Variants in LGSN observed in about 807,000 individuals in gnomAD.
LGSN encodes the protein lengsin.
In LGSN, 21 loss-of-function variants were observed where a neutral mutation model predicts 19.5. The ratio of observed to expected loss-of-function variants is 1.07; its 90% confidence interval spans 0.76 to 1.55. The LOEUF is 1.55. LGSN is among the 40% of genes most tolerant of loss of function. LGSN has a pLI of 0.00. For missense variants in LGSN, 673 were observed against 608.5 expected (o/e 1.11, Z -1.12); for synonymous variants, 257 against 215.6 (o/e 1.19, Z -1.68).
chr6:63,293,853 C>A (rs1231155993), intron 2 of LGSN: 1 of 443,968 alleles, frequency 2.3e-6, no homozygotes, highest in South Asian at 1.6e-5. Context: ...GTTTCTGATC[C>A]TCTCTGTAGT....
chr6:63,571,719 A>T, the LGSN span: 1 of 152,252 alleles, frequency 6.6e-6, no homozygotes, highest in Non-Finnish European at 1.5e-5. Flanking sequence ...CAATTGAGCC[A>T]ACTGCAGTTG....
Position 63,280,466 on chromosome 6 carries a change from G to A in LGSN, c.1085C>T (p.Ser362Phe), listed in dbSNP as rs755451131. 2.1e-5 allele frequency: 34 copies of A among 1,614,038 alleles called. No homozygotes were observed. The highest frequency in any genetic ancestry group is 6.6e-5 in the South Asian group (6 of 91,090). ...SAALSCLMAP[S>F]VSCRKRYSKD... ...GGAATAACGCTTTCGGCAGCTAACA[G>A]AAGGCGCCATCAGGCAGCTGAGCGC... The change falls in exon 4 of 4, where the codon TCT becomes TTT. Residue 362 changes from serine (S) to phenylalanine (F), a missense_variant. Physicochemically the swap from Ser to Phe is radical, Grantham distance 155. Coordinates refer to ENST00000370657, the MANE Select transcript of LGSN (RefSeq NM_016571.3).
the LGSN span, among the ~76,000 whole-genome samples, chr6:63,413,696 T>G: frequency 1.3e-5 from 2 of 152,212 alleles, no homozygotes; most frequent in Non-Finnish European, 2.9e-5. Context: ...TGATTATCCC[T>G]CTTTTTACAA....
chr6:63,505,228 A>T, the LGSN span, among the ~76,000 whole-genome samples: 5 of 150,486 alleles, frequency 3.3e-5, no homozygotes, highest in African/African-American at 1.2e-4. Context: ...TCTATCAAGC[A>T]TTATAAAGTG....
chr6:63,405,701 T>G, the LGSN span, among the ~76,000 whole-genome samples: 1 of 152,168 alleles, frequency 6.6e-6, no homozygotes, highest in African/African-American at 2.4e-5. Context: ...GTAAATGGAC[T>G]AAATGCTCCA....
the LGSN span, among the ~76,000 whole-genome samples, chr6:63,348,347 G>A: frequency 3.0e-3 from 456 of 152,142 alleles, 3 homozygotes; most frequent in African/African-American, 0.01. Flanking sequence ...CCAGCTACTC[G>A]GGAGGCTGAG....
At chr6:63,562,454 C>A in the LGSN span, among the ~76,000 whole-genome samples, 11 of 152,200 alleles carry the variant, frequency 7.2e-5, no homozygotes, top group Non-Finnish European at 1.5e-5. Flanking sequence ...CTGTCTTGGC[C>A]TCCCAAAGTG....
chr6:63,334,189 T>C, the LGSN span, among the ~76,000 whole-genome samples: 1 of 152,188 alleles, frequency 6.6e-6, no homozygotes, highest in African/African-American at 2.4e-5. Flanking sequence ...ATTGTTCGCC[T>C]TTGCAGATGA....
the LGSN span, among the ~76,000 whole-genome samples, chr6:63,569,289 T>C: frequency 6.6e-6 from 1 of 152,220 alleles, no homozygotes; most frequent in Non-Finnish European, 1.5e-5. Context: ...GAAGTCTCAC[T>C]CTGTCTCCCA....
In LGSN at chr6:63,279,728, C is replaced by A; in HGVS notation, c.*293G>T. On this transcript the variant is annotated 3_prime_UTR_variant, in exon 4 of 4. Coordinates refer to ENST00000370657, the MANE Select transcript of LGSN (RefSeq NM_016571.3). ...ATGTGCGAATATATTTATTGCCACC[C>A]AAAATTGGATATTCTTATCCAGGTC... 1 of 195,900 alleles carries A rather than the reference C, an allele frequency of 5.1e-6. No individual in the cohort carries two copies. The highest frequency in any genetic ancestry group is 1.0e-5 in the Non-Finnish European group (1 of 97,862). The allele number at this position is 195,900 out of a possible 1,614,324, so 12.1% of individuals were successfully genotyped here.
the LGSN span, among the ~76,000 whole-genome samples, chr6:63,543,292 C>A: frequency 6.6e-6 from 1 of 152,158 alleles, no homozygotes; most frequent in African/African-American, 2.4e-5. Flanking sequence ...CTAAAATGAA[C>A]CCTCCTCAGG....
At chr6:63,450,381 TA>T in the LGSN span, among the ~76,000 whole-genome samples, 1 of 145,838 alleles carries the variant, frequency 6.9e-6, no homozygotes. Context: ...AATAAATAAA[TA>T]AATAAAATTT....
chr6:63,362,555 C>T, the LGSN span, among the ~76,000 whole-genome samples: 124 of 152,330 alleles, frequency 8.1e-4, no homozygotes, highest in African/African-American at 2.8e-3. Context: ...TTATATCCCC[C>T]GCCTGGCTCA....
chr6:63,391,561 T>A, the LGSN span, among the ~76,000 whole-genome samples: 1 of 152,206 alleles, frequency 6.6e-6, no homozygotes, highest in South Asian at 2.1e-4. Context: ...TCAAGGTCTG[T>A]GTTAGCTTTT....
At chr6:63,394,454 G>A in the LGSN span, among the ~76,000 whole-genome samples, 1 of 152,132 alleles carries the variant, frequency 6.6e-6, no homozygotes, top group African/African-American at 2.4e-5. Context: ...GTTTACAAAT[G>A]TCAGGAAGTT....
chr6:63,500,117 G>C, the LGSN span, among the ~76,000 whole-genome samples: 1 of 152,078 alleles, frequency 6.6e-6, no homozygotes, highest in Non-Finnish European at 1.5e-5. Context: ...ACTTTAATAA[G>C]CTTCTCCTGG....
the LGSN span, among the ~76,000 whole-genome samples, chr6:63,414,877 TACA>T: frequency 1.6e-3 from 240 of 152,274 alleles, 1 homozygote; most frequent in African/African-American, 5.3e-3. Context: ...GTTATGCCAC[TACA>T]CTCCAGCTTG....
chr6:63,523,398 A>T, the LGSN span, among the ~76,000 whole-genome samples: 1 of 151,930 alleles, frequency 6.6e-6, no homozygotes, highest in Non-Finnish European at 1.5e-5. Context: ...GCCAGGCATG[A>T]TGGGGCATGC....
chr6:63,381,695 C>A, the LGSN span, among the ~76,000 whole-genome samples: 20 of 152,256 alleles, frequency 1.3e-4, no homozygotes, highest in South Asian at 4.1e-3. Flanking sequence ...CCAAAATGGC[C>A]ATGATAACTA....
Sources: allele counts gnomAD v4.1 joint callset (sites outside exome capture counted in the v4.1 genomes callset), GRCh38; gene constraint gnomAD v4.1.1; transcripts MANE v1.5; gene names NCBI Gene and HGNC (gene_info 2026-07-23, HGNC 2026-07-21).